EIF2AK4: variants seen among roughly 807,000 people sequenced by gnomAD.
The protein encoded by EIF2AK4 is eukaryotic translation initiation factor 2 alpha kinase 4.
Under a neutral mutation model 211.1 loss-of-function variants are expected in EIF2AK4, and 139 were observed. That is an observed-to-expected ratio of 0.66 (90% CI 0.57 to 0.76). EIF2AK4 has a LOEUF of 0.76. Among genes scored for constraint, EIF2AK4 ranks in the 30% least tolerant of loss-of-function variants. The pLI is 0.00. For synonymous variants in EIF2AK4, 710 were observed against 751.3 expected, an observed-to-expected ratio of 0.94 and a Z score of 0.90; for missense variants, 1,664 against 2,043.8, an observed-to-expected ratio of 0.81 and a Z score of 3.58.
At chr15:40,015,517 C>T (rs1002201132) in intron 27 of EIF2AK4, among the ~76,000 whole-genome samples, 25 of 152,110 alleles carry the variant, frequency 1.6e-4, no homozygotes, top group East Asian at 7.7e-4. Context: ...GGGAAGGACC[C>T]GCCCACATGA....
chr15:40,003,144 A>G, intron 22 of EIF2AK4, 49 bp from the exon 23 acceptor site: 1 of 1,604,998 alleles, frequency 6.2e-7, no homozygotes, highest in South Asian at 1.1e-5. Flanking sequence ...GTTGCCTTCT[A>G]AGGAGAATGT....
chr15:39,986,529 G>T (rs182171086), intron 14 of EIF2AK4, among the ~76,000 whole-genome samples: 1 of 152,368 alleles, frequency 6.6e-6, no homozygotes, highest in East Asian at 1.9e-4. Flanking sequence ...CTAAACAGGG[G>T]TGAGTGGGCT....
chr15:40,005,672 C>T (rs541514192), intron 23 of EIF2AK4, among the ~76,000 whole-genome samples: 31 of 151,510 alleles, frequency 2.0e-4, no homozygotes, highest in Middle Eastern at 3.4e-3. Flanking sequence ...CCCGGGTTCA[C>T]GCCATTCTCC....
chr15:39,974,333 A>G (rs1282386862), intron 11 of EIF2AK4: 1 of 152,212 alleles, frequency 6.6e-6, no homozygotes, highest in Non-Finnish European at 1.5e-5. Flanking sequence ...TTTTTATATA[A>G]TAGAAGTATT....
chr15:39,934,477 C>G, intron 1 of EIF2AK4, 138 bp downstream of exon 1: 2 of 1,214,216 alleles, frequency 1.6e-6, no homozygotes, highest in African/African-American at 1.6e-5. Context: ...CACCCATGCT[C>G]ACTTTAGTCC....
In EIF2AK4 at chr15:40,021,117, T is replaced by A. The variant is rs139330280; in HGVS notation, c.4302+90T>A. On this transcript the variant is annotated intron_variant, in intron 31 of 38. Transcript: ENST00000263791. ...TCTGCACCTATAGACTGTCAAACTCTGTTTATCTCTGTAATTCGAGTTGCC... is the reference window on the plus strand; with the variant it reads ...TCTGCACCTATAGACTGTCAAACTCAGTTTATCTCTGTAATTCGAGTTGCC... 9 of 1,379,850 alleles carry A rather than the reference T, an allele frequency of 6.5e-6. 1 individual carries two copies. The African/African-American group carries it at 1.3e-4, about 20-fold the overall frequency. 85.5% of individuals were successfully genotyped at this position (1,379,850 alleles called of 1,614,324 possible). A position where few individuals can be genotyped will look rare whatever the true frequency, so the allele number is the denominator to read the frequency against.
intron 1 of EIF2AK4, among the ~76,000 whole-genome samples, chr15:39,938,327 A>G (rs1020431756): frequency 1.3e-5 from 2 of 152,228 alleles, no homozygotes; most frequent in African/African-American, 4.8e-5. Context: ...CCCAGACCAC[A>G]TTCGCAGAAT....
chr15:40,032,633 T>G, intron 36 of EIF2AK4, 124 bp from the exon 37 acceptor site: 1 of 830,486 alleles, frequency 1.2e-6, no homozygotes, highest in South Asian at 1.7e-5. Context: ...TTAAGCCCTT[T>G]TACAGCACAA....
chr15:40,007,516 A>G (rs1205550064), intron 24 of EIF2AK4, among the ~76,000 whole-genome samples: 3 of 152,188 alleles, frequency 2.0e-5, no homozygotes, highest in African/African-American at 7.2e-5. Context: ...AGGAACGCTG[A>G]GCGCTGAGGA....
chr15:40,000,558 C>T (rs1008172412), intron 20 of EIF2AK4, among the ~76,000 whole-genome samples: 1 of 152,064 alleles, frequency 6.6e-6, no homozygotes, highest in Non-Finnish European at 1.5e-5. Flanking sequence ...GAGAAGAAAC[C>T]ATTAAAACAA....
rs1363903649 is a variant in EIF2AK4, at chr15:40,030,380, C to T, written c.4583C>T (p.Ala1528Val). Residue 1528 changes from alanine (A) to valine (V), a missense_variant, in exon 35 of 39, where the codon GCA becomes GTA. Around this residue, in one of 7 missense-constraint regions of EIF2AK4, gnomAD observed 138 missense variants for 165.1 expected, o/e 0.84. Transcript: ENST00000263791. The stretch of plus-strand genomic sequence containing the variant: ...TCAGGTTTGTTTGAAATCCATGGAG[C>T]AACAGTGGTTCCCATTGTGAGTGTG... ...NASGLFEIHG[A>V]TVVPIVSVLA... The T allele has an allele frequency of 6.2e-7, 1 of 1,614,082 alleles. No homozygotes were observed. The highest frequency in any genetic ancestry group is 2.2e-5 in the East Asian group (1 of 44,884).
chr15:39,939,568 T>C lies in EIF2AK4; in HGVS notation c.208T>C (p.Tyr70His). ...TCAAGGCCTAACTGGTGAAGAAGTATATGTAAAAGTGGATTTGAGGGTTAA... is the reference window on the plus strand; with the variant it reads ...TCAAGGCCTAACTGGTGAAGAAGTACATGTAAAAGTGGATTTGAGGGTTAA... ...YPQGLTGEEV[Y>H]VKVDLRVKCP... The change falls in exon 2 of 39, where the codon TAT becomes CAT. Residue 70 changes from tyrosine (Y) to histidine (H), a missense_variant. By Grantham distance (83) the Tyr-to-His change is moderately conservative (BLOSUM62 2). Around this residue, in one of 7 missense-constraint regions of EIF2AK4, gnomAD observed 641 missense variants for 729.6 expected, o/e 0.88. Coordinates refer to ENST00000263791, the MANE Select transcript of EIF2AK4 (RefSeq NM_001013703.4). 1 of 1,613,156 alleles carries C rather than the reference T, an allele frequency of 6.2e-7. No homozygotes were observed. The highest frequency in any genetic ancestry group is 8.5e-7 in the Non-Finnish European group (1 of 1,179,430).
intron 2 of EIF2AK4, among the ~76,000 whole-genome samples, chr15:39,940,831 C>G (rs947992140): frequency 3.9e-5 from 6 of 152,082 alleles, no homozygotes; most frequent in African/African-American, 1.4e-4. Context: ...GCCTCCATTT[C>G]TGATGCTAGT....
Position 39,967,671 on chromosome 15 carries a change from C to T in EIF2AK4, c.1345C>T (p.Arg449Cys), listed in dbSNP as rs371395483. 35 of 1,614,052 alleles carry T rather than the reference C, an allele frequency of 2.2e-5. No individual in the cohort carries two copies. The highest frequency in any genetic ancestry group is 2.5e-5 in the Non-Finnish European group (29 of 1,180,036). Reference protein sequence around the residue: ...VKITDYSISKRLADICKEDVF... With the variant: ...VKITDYSISKCLADICKEDVF... ...GATTACGGACTATAGCATTTCTAAG[C>T]GCCTCGCAGACATTTGCAAGGAGGA... is the stretch of plus-strand genomic sequence containing the variant. The change falls in exon 9 of 39, where the codon CGC becomes TGC. Residue 449 changes from arginine to cysteine, a missense_variant. Arg to Cys is a radical substitution (Grantham distance 180). Around this residue, in one of 7 missense-constraint regions of EIF2AK4, gnomAD observed 641 missense variants for 729.6 expected, o/e 0.88. Transcript: ENST00000263791.
At chr15:39,994,755 A>G (rs536412627) in intron 18 of EIF2AK4, among the ~76,000 whole-genome samples, 75 of 152,288 alleles carry the variant, frequency 4.9e-4, no homozygotes, top group South Asian at 1.9e-3. Flanking sequence ...ACAGACATCT[A>G]AGTACCTGGT....
At chr15:40,008,298 C>T in intron 25 of EIF2AK4, 103 bp downstream of exon 25, 1 of 1,036,816 alleles carries the variant, frequency 9.6e-7, no homozygotes, top group Non-Finnish European at 1.4e-6. Flanking sequence ...GTCTGTCCTG[C>T]AGATGAATCA....
chr15:39,937,719 GT>G (rs546703062), intron 1 of EIF2AK4, among the ~76,000 whole-genome samples: 24 of 146,952 alleles, frequency 1.6e-4, no homozygotes, highest in Admixed American at 2.0e-4. Flanking sequence ...ATATAAGTAG[GT>G]TTTTTTTTTT....
Position 40,022,600 on chromosome 15 carries a change from G to T in EIF2AK4, c.4384G>T (p.Val1462Phe), listed in dbSNP as rs1171742504. The T allele has an allele frequency of 6.2e-7, 1 of 1,613,998 alleles. No homozygotes were observed. The highest frequency in any genetic ancestry group is 8.5e-7 in the Non-Finnish European group (1 of 1,179,960). The change falls in exon 32 of 39, where the codon GTC becomes TTC. Residue 1462 changes from valine to phenylalanine, a missense_variant. Coordinates refer to ENST00000263791, the MANE Select transcript of EIF2AK4 (RefSeq NM_001013703.4). ...TGTCTCGGATAAAGAAGGAAGCCAT[G>T]TCAAGGTAAAGACGTCAGAGATTTT... ...ALVSDKEGSH[V>F]KVKSFEKERQ...
At chr15:40,032,039 T>G (rs546470539) in intron 35 of EIF2AK4, 130 bp from the exon 36 acceptor site, 432 of 840,250 alleles carry the variant, frequency 5.1e-4, no homozygotes, top group Non-Finnish European at 7.2e-4. Context: ...GGCAAACCTT[T>G]AGACACCATT....
Sources: gnomAD v4.1 joint callset for allele counts (sites outside exome capture counted in the v4.1 genomes callset) on GRCh38, gnomAD v4.1.1 for gene constraint, gnomAD v4.1.1 regional missense constraint, MANE v1.5 for transcripts, NCBI Gene and HGNC (gene_info 2026-07-23, HGNC 2026-07-21) for gene names.